The following TEX36 variants were observed in gnomAD, a reference collection of about 807,000 sequenced individuals.
The protein encoded by TEX36 is testis-expressed protein 36.
In TEX36, 12 loss-of-function variants were observed where a neutral mutation model predicts 13.6. That is an observed-to-expected ratio of 0.88 (90% CI 0.56 to 1.43). The LOEUF (loss-of-function observed/expected upper bound fraction) is 1.43. TEX36 is among the 40% of genes most tolerant of loss of function. TEX36 has a pLI of 0.00. For synonymous variants in TEX36, 93 were observed against 83.0 expected (o/e 1.12, Z -0.65); for missense variants, 224 against 228.3 (o/e 0.98, Z 0.12).
intron 1 of TEX36, among the ~76,000 whole-genome samples, chr10:125,680,968 T>TA (rs1024755785): frequency 2.0e-5 from 3 of 152,046 alleles, no homozygotes. Flanking sequence ...TGTGGTTGGT[T>TA]AAAAAAAACA....
intron 3 of TEX36, among the ~76,000 whole-genome samples, chr10:125,607,034 T>A (rs1046591147): frequency 6.6e-6 from 1 of 152,228 alleles, no homozygotes; most frequent in Non-Finnish European, 1.5e-5. Context: ...GATGCCTTCA[T>A]TCACATGCAA....
intron 1 of TEX36, among the ~76,000 whole-genome samples, chr10:125,671,599 T>C (rs1277231950): frequency 6.6e-6 from 1 of 152,190 alleles, no homozygotes; most frequent in Non-Finnish European, 1.5e-5. Flanking sequence ...TTTCTTTTTT[T>C]ATTGTGTCTC....
At chr10:125,630,535 G>C (rs1846539690) in intron 3 of TEX36, among the ~76,000 whole-genome samples, 1 of 152,188 alleles carries the variant, frequency 6.6e-6, no homozygotes, top group African/African-American at 2.4e-5. Context: ...TGCAGCCTCA[G>C]GAATTAGACA....
rs180726551 is a variant in TEX36, at chr10:125,625,753, G to A, written c.265-4108C>T. ...GCCAACACCCCAGAGGCGCAGCCCT[G>A]GACTCTTCAGTCTTGGCACCTGACC... On this transcript the variant is annotated intron_variant, in intron 3 of 3. Transcript: ENST00000526819. Among the ~76,000 whole-genome samples the A allele has an allele frequency of 2.0e-5, 3 of 152,312 alleles. No homozygotes were observed. In the East Asian group the frequency reaches 5.8e-4, roughly 29 times the overall value.
intron 1 of TEX36, among the ~76,000 whole-genome samples, chr10:125,669,379 C>T (rs377137138): frequency 1.6e-4 from 25 of 152,144 alleles, no homozygotes; most frequent in East Asian, 1.2e-3. Flanking sequence ...ACTCGGAAGG[C>T]TGAGGCAGGA....
intron 3 of TEX36, among the ~76,000 whole-genome samples, chr10:125,580,635 A>AGGTGGG (rs1845870906): frequency 6.6e-6 from 1 of 152,150 alleles, no homozygotes; most frequent in Non-Finnish European, 1.5e-5. Context: ...GGCCCACATT[A>AGGTGGG]CTGAAGCCCG....
intron 3 of TEX36, among the ~76,000 whole-genome samples, chr10:125,625,699 C>T (rs187280982): frequency 2.0e-5 from 3 of 152,326 alleles, no homozygotes; most frequent in African/African-American, 7.2e-5. Flanking sequence ...TAGATGCAAC[C>T]TCTCACAGAG....
At chr10:125,645,251 G>C (rs1484624963) in intron 3 of TEX36, among the ~76,000 whole-genome samples, 1 of 152,170 alleles carries the variant, frequency 6.6e-6, no homozygotes, top group Non-Finnish European at 1.5e-5. Context: ...CAAAATTCAT[G>C]TTAACACTTA....
downstream of TEX36, among the ~76,000 whole-genome samples, chr10:125,619,133 A>G (rs987470001): frequency 2.6e-5 from 4 of 151,658 alleles, no homozygotes; most frequent in African/African-American, 4.8e-5. Context: ...CCATCTCAAA[A>G]AAATAAAAAT....
chr10:125,586,369 T>C (rs1439983680), intron 3 of TEX36, among the ~76,000 whole-genome samples: 1 of 152,170 alleles, frequency 6.6e-6, no homozygotes, highest in Non-Finnish European at 1.5e-5. Flanking sequence ...TCATATATCT[T>C]GTAGTTTTCA....
intron 3 of TEX36, among the ~76,000 whole-genome samples, chr10:125,605,732 G>A (rs563435417): frequency 1.2e-4 from 18 of 152,084 alleles, no homozygotes; most frequent in Non-Finnish European, 2.2e-4. Context: ...CTACCGAGTA[G>A]CTGGGATTAC....
At chr10:125,609,526 C>A (rs992368462) in intron 3 of TEX36, among the ~76,000 whole-genome samples, 1 of 152,158 alleles carries the variant, frequency 6.6e-6, no homozygotes. Flanking sequence ...ACCTCCCATG[C>A]GGGATCCTTC....
intron 3 of TEX36, among the ~76,000 whole-genome samples, chr10:125,605,799 A>T (rs1846208824): frequency 6.6e-6 from 1 of 152,002 alleles, no homozygotes; most frequent in Non-Finnish European, 1.5e-5. Flanking sequence ...ACGGGGTTTC[A>T]CCATGTTGGC....
downstream of TEX36, among the ~76,000 whole-genome samples, chr10:125,619,227 C>A (rs1224515573): frequency 6.6e-6 from 1 of 152,050 alleles, no homozygotes; most frequent in Middle Eastern, 3.2e-3. Flanking sequence ...AGAAAATAAA[C>A]CCTAAAGCAC....
At chr10:125,620,715 A>G (rs539249844), downstream of TEX36, among the ~76,000 whole-genome samples, 1 of 152,324 alleles carries the variant, frequency 6.6e-6, no homozygotes, top group Non-Finnish European at 1.5e-5. Flanking sequence ...ATTGCTATGC[A>G]ACCCATCTCC....
At chr10:125,631,247 C>A (rs1487115310) in intron 3 of TEX36, among the ~76,000 whole-genome samples, 1 of 152,164 alleles carries the variant, frequency 6.6e-6, no homozygotes, top group Non-Finnish European at 1.5e-5. Context: ...TATCTGAGTA[C>A]ATCTCAAGTC....
chr10:125,656,146 T>C lies in TEX36; in HGVS notation c.315A>G (p.Arg105=). 1 of 1,545,792 alleles carries C rather than the reference T, an allele frequency of 6.5e-7. No homozygotes were observed. Among genetic ancestry groups the C allele is most frequent in the Non-Finnish European group, 8.7e-7 (1 of 1,145,448 alleles). The change falls in exon 4 of 4, where the codon AGA becomes AGG. Residue 105 remains arginine, a synonymous_variant. Transcript: ENST00000368821. The stretch of plus-strand genomic sequence containing the variant: ...AGTCACATGCCCAGAGATTAAAATT[T>C]CTTGAAACATGTTGCCTCTTATCTG... ...ISPDKRQHVS[R]NFNLWACDYV...
In TEX36 at chr10:125,656,139, T is replaced by TA; in HGVS notation, c.321dup (p.Asn108Ter). 1 of 1,546,474 alleles carries TA rather than the reference T, an allele frequency of 6.5e-7. No individual in the cohort carries two copies. The highest frequency in any genetic ancestry group is 1.2e-5 in the South Asian group (1 of 83,334). On this transcript the variant is annotated frameshift_variant, in exon 4 of 4. Coordinates refer to ENST00000368821, the MANE Select transcript of TEX36 (RefSeq NM_001128202.3). LOFTEE classifies it low-confidence loss of function (END_TRUNC). ...GGAACATAGTCACATGCCCAGAGATTAAAATTTCTTGAAACATGTTGCCTC... is the reference window on the plus strand; with the variant it reads ...GGAACATAGTCACATGCCCAGAGATTAAAAATTTCTTGAAACATGTTGCCTC...
At chr10:125,675,756 C>T (rs956453587) in intron 1 of TEX36, among the ~76,000 whole-genome samples, 17 of 152,186 alleles carry the variant, frequency 1.1e-4, no homozygotes, top group Non-Finnish European at 2.5e-4. Context: ...ACCTCAGTTG[C>T]CAGTGCAGGA....
Sources: gnomAD v4.1 joint callset for allele counts (sites outside exome capture counted in the v4.1 genomes callset) on GRCh38, gnomAD v4.1.1 for gene constraint, MANE v1.5 for transcripts, NCBI Gene and HGNC (gene_info 2026-07-23, HGNC 2026-07-21) for gene names.